ARHGAP17: variants seen among roughly 807,000 people sequenced by gnomAD.
ARHGAP17 encodes the protein rho GTPase-activating protein 17.
ARHGAP17 carries 57 observed loss-of-function variants against 99.5 expected under a neutral mutation model. The observed-to-expected ratio is 0.57, with a 90% CI of 0.46 to 0.71. ARHGAP17 has a LOEUF of 0.71. Ranked by LOEUF, ARHGAP17 falls within the 30% of genes least tolerant of loss-of-function variation. The pLI is 0.00. For synonymous variants in ARHGAP17, 417 were observed against 429.6 expected (o/e 0.97, Z 0.36); for missense variants, 1,000 against 1,122.4 (o/e 0.89, Z 1.56).
intron 10 of ARHGAP17, among the ~76,000 whole-genome samples, chr16:24,953,713 A>G (rs1320626400): frequency 6.6e-6 from 1 of 152,166 alleles, no homozygotes; most frequent in African/African-American, 2.4e-5. Context: ...GTAGTTCTTT[A>G]CAGCAGTGTG....
chr16:25,012,209 C>A lies in ARHGAP17; in HGVS notation c.53+3000G>T, dbSNP rs562475754. Among the ~76,000 whole-genome samples, 206 of 152,298 alleles carry A rather than the reference C, an allele frequency of 1.4e-3. 1 individual carries two copies. The highest frequency in any genetic ancestry group is 4.6e-3 in the African/African-American group (191 of 41,562). On this transcript the variant is annotated intron_variant, in intron 1 of 19. Coordinates refer to ENST00000289968, the MANE Select transcript of ARHGAP17 (RefSeq NM_001006634.3). ...CTACTTCTCTTCTTTGGGACACTCA[C>A]ACCATGAGACCACCTCATAAGCCTT...
chr16:24,968,576 C>T (rs2052263123), intron 5 of ARHGAP17, 85 bp downstream of exon 5: 10 of 1,524,382 alleles, frequency 6.6e-6, no homozygotes, highest in Non-Finnish European at 7.3e-6. Context: ...TATGTTAAAG[C>T]CAGCAACTAC....
At chr16:24,969,277 T>A (rs1168430027) in intron 4 of ARHGAP17, among the ~76,000 whole-genome samples, 1 of 151,676 alleles carries the variant, frequency 6.6e-6, no homozygotes, top group Non-Finnish European at 1.5e-5. Flanking sequence ...AAAGTACACG[T>A]GCAGTGATAT....
rs768165541 is a variant in ARHGAP17, at chr16:24,942,058, G to C, written c.1419C>G (p.Asp473Glu). 3 of 1,614,162 alleles carry C rather than the reference G, an allele frequency of 1.9e-6. No homozygotes were observed. The highest frequency in any genetic ancestry group is 1.7e-6 in the Non-Finnish European group (2 of 1,180,018). Residue 473 changes from aspartate to glutamate, a missense_variant, in exon 16 of 20, where the codon GAC (aspartate) becomes GAG (glutamate). Physicochemically the swap from Asp to Glu is conservative, Grantham distance 45. Around this residue, in one of 2 missense-constraint regions of ARHGAP17, gnomAD observed 472 missense variants for 611.1 expected, o/e 0.77. Transcript: ENST00000289968. ...GCCGCTTCCTCTCCAGGGTCCCCGA[G>C]TCAGAGTCGTTTCCAGTGTGGAATG... ...NHSFHTGNDS[D>E]SGTLERKRPA...
At chr16:24,946,554 G>A (rs1265046490) in intron 14 of ARHGAP17, among the ~76,000 whole-genome samples, 2 of 151,128 alleles carry the variant, frequency 1.3e-5, no homozygotes, top group African/African-American at 4.9e-5. Flanking sequence ...TGCTCCTTAG[G>A]CATAGGATTA....
intron 11 of ARHGAP17, 83 bp from the exon 12 acceptor site, chr16:24,952,453 G>T (rs2051672742): frequency 1.1e-5 from 12 of 1,068,256 alleles, no homozygotes; most frequent in Non-Finnish European, 1.7e-5. Context: ...AAATTGAAAT[G>T]ATCTCAATAA....
chr16:25,005,704 T>A (rs565620642), intron 1 of ARHGAP17, among the ~76,000 whole-genome samples: 3 of 132,998 alleles, frequency 2.3e-5, no homozygotes, highest in South Asian at 2.6e-4. Flanking sequence ...AAATGACACA[T>A]ACAGAGAAAA....
intron 12 of ARHGAP17, 22 bp from the exon 13 acceptor site, chr16:24,949,506 TACA>T (rs1320374966): frequency 5.0e-6 from 8 of 1,597,466 alleles, no homozygotes; most frequent in African/African-American, 1.3e-5. Context: ...AACTTTTAAG[TACA>T]ACAACTTATT....
intron 1 of ARHGAP17, among the ~76,000 whole-genome samples, chr16:24,979,707 A>T (rs1239188962): frequency 1.3e-5 from 2 of 150,784 alleles, no homozygotes; most frequent in Non-Finnish European, 3.0e-5. Context: ...TTTTTATTTT[A>T]TTATTATTAT....
intron 1 of ARHGAP17, among the ~76,000 whole-genome samples, chr16:25,011,265 G>C (rs1597502281): frequency 6.6e-6 from 1 of 152,122 alleles, no homozygotes; most frequent in East Asian, 1.9e-4. Flanking sequence ...GCTGACTCCA[G>C]TCCATTTCTG....
At chr16:24,926,211 C>T (rs1404684970) in intron 19 of ARHGAP17, among the ~76,000 whole-genome samples, 1 of 151,932 alleles carries the variant, frequency 6.6e-6, no homozygotes, top group Non-Finnish European at 1.5e-5. Context: ...AATTGTATAG[C>T]TACAGTTGAT....
At chr16:24,992,992 G>C (rs560860862) in intron 1 of ARHGAP17, among the ~76,000 whole-genome samples, 4 of 151,978 alleles carry the variant, frequency 2.6e-5, no homozygotes, top group Non-Finnish European at 5.9e-5. Flanking sequence ...GTACAGACAG[G>C]TTCTCGCTAT....
chr16:24,970,217 T>C (rs191121525), intron 4 of ARHGAP17, among the ~76,000 whole-genome samples: 2 of 152,326 alleles, frequency 1.3e-5, no homozygotes, highest in Admixed American at 1.3e-4. Flanking sequence ...AGGGACCACA[T>C]TCTTTCTGTC....
chr16:24,953,681 G>A (rs937220897), intron 10 of ARHGAP17, among the ~76,000 whole-genome samples: 23 of 152,228 alleles, frequency 1.5e-4, no homozygotes, highest in African/African-American at 3.4e-4. Context: ...AGCTCTTTTC[G>A]TCATAAATTA....
chr16:24,998,832 G>A (rs993399217), intron 1 of ARHGAP17, among the ~76,000 whole-genome samples: 1 of 152,198 alleles, frequency 6.6e-6, no homozygotes, highest in African/African-American at 2.4e-5. Flanking sequence ...ACAGAGCCTT[G>A]GAAGTCAGTC....
At chr16:24,982,788 T>G (rs1348966540) in intron 1 of ARHGAP17, among the ~76,000 whole-genome samples, 1 of 151,712 alleles carries the variant, frequency 6.6e-6, no homozygotes, top group Non-Finnish European at 1.5e-5. Context: ...CAATAGGCCA[T>G]GTACGTAGGC....
At chr16:24,954,759 C>A in intron 9 of ARHGAP17, 29 bp from the exon 10 acceptor site, 1 of 1,610,710 alleles carries the variant, frequency 6.2e-7, no homozygotes, top group Non-Finnish European at 8.5e-7. Flanking sequence ...CAGTTAGACA[C>A]CCAACAAACT....
chr16:24,993,366 A>G (rs948939370), intron 1 of ARHGAP17, among the ~76,000 whole-genome samples: 6 of 152,112 alleles, frequency 3.9e-5, no homozygotes, highest in Non-Finnish European at 7.4e-5. Context: ...TGGGCGGATC[A>G]CCTAAGGTCA....
intron 19 of ARHGAP17, among the ~76,000 whole-genome samples, chr16:24,923,590 G>A (rs1480096625): frequency 1.3e-5 from 2 of 152,082 alleles, no homozygotes; most frequent in African/African-American, 2.4e-5. Flanking sequence ...CGGGTGTGGT[G>A]GTGCATGCCT....
Sources: allele counts gnomAD v4.1 joint callset (sites outside exome capture counted in the v4.1 genomes callset), GRCh38; gene constraint gnomAD v4.1.1; regional missense constraint gnomAD v4.1.1; transcripts MANE v1.5; gene names NCBI Gene and HGNC (gene_info 2026-07-23, HGNC 2026-07-21).